The following SENP2 variants were observed in gnomAD, a reference collection of about 807,000 sequenced individuals.
The protein encoded by SENP2 is SUMO specific peptidase 2, also known as sentrin-specific protease 2.
Under a neutral mutation model 86.3 loss-of-function variants are expected in SENP2, and 16 were observed. The ratio of observed to expected loss-of-function variants is 0.19; its 90% CI spans 0.13 to 0.28. The LOEUF (loss-of-function observed/expected upper bound fraction) is 0.28, where lower values mean the gene tolerates loss of function less well. Ranked by LOEUF, SENP2 falls within the 10% of genes least tolerant of loss-of-function variation. The pLI is 1.00. For synonymous variants in SENP2, 222 were observed against 238.7 expected, an observed-to-expected ratio of 0.93 and a Z score of 0.64; for missense variants, 552 against 703.0, an observed-to-expected ratio of 0.79 and a Z score of 2.43.
At chr3:185,598,701 G>C (rs746561370) in intron 3 of SENP2, among the ~76,000 whole-genome samples, 156 bp downstream of exon 3, 9 of 151,980 alleles carry the variant, frequency 5.9e-5, no homozygotes, top group Non-Finnish European at 1.0e-4. Context: ...AGAAATTAAA[G>C]GTTAATAAAA....
Position 185,613,377 on chromosome 3 carries a change from C to A in SENP2, c.902C>A (p.Thr301Lys), listed in dbSNP as rs6762208. Reference protein sequence around the residue: ...CSKGKITDTETMVGIRFENES... With the variant: ...CSKGKITDTEKMVGIRFENES... Reference sequence around the variant, plus strand: ...AAGGGGAAAATTACTGATACAGAGACGATGGTCGGAATCAGATTTGAAAAT... The same window carrying A: ...AAGGGGAAAATTACTGATACAGAGAAGATGGTCGGAATCAGATTTGAAAAT... The change falls in exon 10 of 17, where the codon ACG (threonine) becomes AAG (lysine). Residue 301 changes from threonine to lysine, a missense_variant. Around this residue, in one of 2 missense-constraint regions of SENP2, gnomAD observed 383 missense variants for 427.3 expected, o/e 0.90. Transcript: ENST00000296257. 555,608 of 1,568,588 alleles carry A rather than the reference C, an allele frequency of 0.35. 102,731 individuals are homozygous for A. The highest frequency in any genetic ancestry group is 0.54 in the South Asian group (47,321 of 88,298).
rs114082515 is a variant in SENP2, at chr3:185,602,646, A to G, written c.449+1791A>G. On this transcript the variant is annotated intron_variant, in intron 5 of 16. Coordinates refer to ENST00000296257, the MANE Select transcript of SENP2 (RefSeq NM_021627.3). ...TAAATACAAGTTTGCAGCCTGGCCA[A>G]CATGGCGAGAAATCCCGTTTCTACT... Among the ~76,000 whole-genome samples, 328 of 152,000 alleles carry G rather than the reference A, an allele frequency of 2.2e-3. 2 individuals carry two copies. Among genetic ancestry groups the G allele is most frequent in the African/African-American group, 7.6e-3 (315 of 41,476 alleles).
chr3:185,618,721 A>G (rs1242367304), intron 12 of SENP2, among the ~76,000 whole-genome samples: 1 of 152,058 alleles, frequency 6.6e-6, no homozygotes, highest in Non-Finnish European at 1.5e-5. Context: ...TACTAAAAAT[A>G]CAAAAAAATT....
intron 15 of SENP2, 137 bp downstream of exon 15, chr3:185,624,219 T>A: frequency 1.7e-6 from 1 of 584,588 alleles, no homozygotes; most frequent in Non-Finnish European, 2.9e-6. Flanking sequence ...CTTTCTTTCT[T>A]TTTTGTAGAG....
intron 4 of SENP2, among the ~76,000 whole-genome samples, chr3:185,600,564 C>A (rs1211488839): frequency 2.0e-5 from 3 of 152,170 alleles, no homozygotes; most frequent in Non-Finnish European, 4.4e-5. Context: ...TATCTGAGAT[C>A]AAAAACAAAC....
intron 12 of SENP2, among the ~76,000 whole-genome samples, chr3:185,618,601 G>A (rs776889712): frequency 2.6e-5 from 4 of 152,226 alleles, no homozygotes; most frequent in South Asian, 2.1e-4. Context: ...CCACTCGGCC[G>A]GGCGCGGTGG....
intron 6 of SENP2, 199 bp downstream of exon 6, chr3:185,606,697 A>G: frequency 1.8e-6 from 1 of 563,590 alleles, no homozygotes; most frequent in Non-Finnish European, 3.1e-6. Context: ...GCAGACTTTG[A>G]GGGGTTCATG....
chr3:185,616,300 G>T (rs1182843783), intron 11 of SENP2, among the ~76,000 whole-genome samples: 1 of 150,102 alleles, frequency 6.7e-6, no homozygotes, highest in Non-Finnish European at 1.5e-5. Flanking sequence ...GTGAAACCCC[G>T]TCTCTACCAA....
At chr3:185,607,258 G>T (rs1464332394) in intron 6 of SENP2, among the ~76,000 whole-genome samples, 1 of 147,830 alleles carries the variant, frequency 6.8e-6, no homozygotes, top group African/African-American at 2.5e-5. Flanking sequence ...ATTTTTAGAT[G>T]TGGTTATTTT....
chr3:185,599,322 C>T (rs1005599991), intron 4 of SENP2, among the ~76,000 whole-genome samples: 130 of 152,050 alleles, frequency 8.5e-4, no homozygotes, highest in African/African-American at 3.0e-3. Flanking sequence ...TACTCTGTGC[C>T]GGGTGCTGTG....
In SENP2 at chr3:185,614,774, A is replaced by C. The variant is rs140520612; in HGVS notation, c.1110+34A>C. The C allele has an allele frequency of 7.1e-3, 11,284 of 1,586,132 alleles. 90 individuals carry two copies. The highest frequency in any genetic ancestry group is 0.041 in the Middle Eastern group (248 of 6,004). On this transcript the variant is annotated intron_variant, in intron 11 of 16. Coordinates refer to ENST00000296257, the MANE Select transcript of SENP2 (RefSeq NM_021627.3). ...CTTTGTATTGATCCTAAAAAGAGGC[A>C]TGTCTTTAAATAACCTCAGTTATTC...
chr3:185,626,247 A>G, intron 15 of SENP2, 51 bp from the exon 16 acceptor site: 1 of 1,193,266 alleles, frequency 8.4e-7, no homozygotes, highest in Non-Finnish European at 1.2e-6. Flanking sequence ...AGGAATTTGT[A>G]TTTAATGATG....
rs562493947 is a variant in SENP2 at position 185,608,248 on chromosome 3, G to C, written c.619-999G>C. 4.6e-5 allele frequency among the ~76,000 whole-genome samples: 7 copies of C among 152,176 alleles called. No homozygotes were observed. In the South Asian group the frequency reaches 1.0e-3, roughly 23 times the overall value. ...TCCCTGAAAGGGGTTTTAAGATGAG[G>C]TGTTAAATATTTCAGTCTCTTAGAT... is the stretch of plus-strand genomic sequence containing the variant. On this transcript the variant is annotated intron_variant, in intron 6 of 16. Coordinates refer to ENST00000296257, the MANE Select transcript of SENP2 (RefSeq NM_021627.3).
chr3:185,621,171 AAAAAAAGAG>A (rs1711851037), intron 13 of SENP2, among the ~76,000 whole-genome samples: 1 of 148,356 alleles, frequency 6.7e-6, no homozygotes, highest in Non-Finnish European at 1.5e-5. Context: ...AAAAAAAAAA[AAAAAAAGAG>A]AGAGAGAAAG....
intron 2 of SENP2, among the ~76,000 whole-genome samples, chr3:185,592,405 A>G: frequency 6.6e-6 from 1 of 152,234 alleles, no homozygotes; most frequent in Admixed American, 6.5e-5. Flanking sequence ...AAGTAGATTA[A>G]AGGAAAAAGG....
At chr3:185,599,499 T>C (rs1016145058) in intron 4 of SENP2, among the ~76,000 whole-genome samples, 3 of 152,108 alleles carry the variant, frequency 2.0e-5, no homozygotes, top group African/African-American at 7.2e-5. Flanking sequence ...ATTATATATA[T>C]GCACTATACA....
intron 14 of SENP2, among the ~76,000 whole-genome samples, 162 bp from the exon 15 acceptor site, chr3:185,623,826 CAAAAAAAAAA>C (rs63707460): frequency 2.1e-5 from 1 of 47,774 alleles, no homozygotes; most frequent in Admixed American, 2.8e-4. Flanking sequence ...GACTCTGTCT[CAAAAAAAAAA>C]AAAAAAAAAA....
At chr3:185,623,097 G>A (rs912504579) in intron 14 of SENP2, among the ~76,000 whole-genome samples, 5 of 151,358 alleles carry the variant, frequency 3.3e-5, no homozygotes, top group Non-Finnish European at 5.9e-5. Context: ...GATTACAGGC[G>A]TGAGCCACCG....
intron 2 of SENP2, among the ~76,000 whole-genome samples, chr3:185,593,277 T>C (rs561189004): frequency 2.6e-5 from 4 of 152,170 alleles, no homozygotes; most frequent in Non-Finnish European, 4.4e-5. Context: ...TGTTTTGTTT[T>C]GTTTAGTTTT....
Sources: allele counts gnomAD v4.1 joint callset (sites outside exome capture counted in the v4.1 genomes callset), GRCh38; gene constraint gnomAD v4.1.1; regional missense constraint gnomAD v4.1.1; transcripts MANE v1.5; gene names NCBI Gene and HGNC (gene_info 2026-07-23, HGNC 2026-07-21).